YTHDF2: variants seen among roughly 807,000 people sequenced by gnomAD.
The protein encoded by YTHDF2 is YTH domain-containing family protein 2.
Under a neutral mutation model 50.4 loss-of-function variants are expected in YTHDF2, and 2 were observed. The observed-to-expected ratio is 0.04, with a 90% CI of 0.02 to 0.12. YTHDF2 has a LOEUF of 0.12. Among genes scored for constraint, YTHDF2 ranks in the 10% least tolerant of loss-of-function variants. YTHDF2 has a pLI of 1.00. For synonymous variants in YTHDF2, 217 were observed against 255.6 expected (o/e 0.85, Z 1.44); for missense variants, 483 against 722.6 (o/e 0.67, Z 3.80).
chr1:28,751,410 A>C (rs2087950517), intron 4 of YTHDF2, among the ~76,000 whole-genome samples: 1 of 152,174 alleles, frequency 6.6e-6, no homozygotes, highest in Non-Finnish European at 1.5e-5. Flanking sequence ...CTTCAGATCT[A>C]GTGAGTGGGC....
chr1:28,751,787 G>A (rs2087956154), intron 4 of YTHDF2, among the ~76,000 whole-genome samples: 7 of 152,136 alleles, frequency 4.6e-5, no homozygotes, highest in Admixed American at 4.6e-4. Context: ...ATAAAATATG[G>A]GATAAGAGCT....
chr1:28,744,216 CAG>C (rs1216601266), intron 4 of YTHDF2, among the ~76,000 whole-genome samples: 1 of 152,090 alleles, frequency 6.6e-6, no homozygotes, highest in Non-Finnish European at 1.5e-5. Context: ...AAAGCAAAAA[CAG>C]TACAAGGAAA....
chr1:28,752,296 T>TTTGTTGTTG (rs56879000), intron 4 of YTHDF2, among the ~76,000 whole-genome samples: 1 of 151,290 alleles, frequency 6.6e-6, no homozygotes, highest in Non-Finnish European at 1.5e-5. Context: ...CTGTGGTGTT[T>TTTGTTGTTG]TTGTTGTTGT....
At chr1:28,764,271 T>A (rs571160762) in intron 4 of YTHDF2, among the ~76,000 whole-genome samples, 2 of 144,478 alleles carry the variant, frequency 1.4e-5, no homozygotes, top group Admixed American at 1.4e-4. Context: ...TTTTTATTTA[T>A]TTTTATTTTT....
At chr1:28,753,302 A>T (rs906982194) in intron 4 of YTHDF2, among the ~76,000 whole-genome samples, 2 of 143,108 alleles carry the variant, frequency 1.4e-5, no homozygotes, top group African/African-American at 2.6e-5. Flanking sequence ...CAAGAGAATC[A>T]CTTGAACCCA....
chr1:28,737,514 C>T (rs1306778705), intron 1 of YTHDF2, 144 bp from the exon 2 acceptor site: 2 of 1,138,210 alleles, frequency 1.8e-6, no homozygotes, highest in Non-Finnish European at 2.5e-6. Context: ...CTCCCATTTT[C>T]AGCCTCTTCC....
At chr1:28,745,727 C>A (rs945276143) in intron 4 of YTHDF2, among the ~76,000 whole-genome samples, 1 of 106,292 alleles carries the variant, frequency 9.4e-6, no homozygotes, top group Non-Finnish European at 2.1e-5. Context: ...TCCCCCCGCC[C>A]CCCCCCCCCA....
chr1:28,756,597 A>C (rs2088039127), intron 4 of YTHDF2, among the ~76,000 whole-genome samples: 1 of 152,094 alleles, frequency 6.6e-6, no homozygotes, highest in Admixed American at 6.6e-5. Flanking sequence ...GATGACAGTG[A>C]ATTTTTAAAA....
intron 3 of YTHDF2, among the ~76,000 whole-genome samples, chr1:28,740,948 C>T (rs1205153540): frequency 6.6e-6 from 1 of 151,916 alleles, no homozygotes; most frequent in African/African-American, 2.4e-5. Flanking sequence ...TCGTGATCCT[C>T]CCACCTTGGC....
chr1:28,766,409 G>A (rs868540746), intron 4 of YTHDF2, among the ~76,000 whole-genome samples: 3 of 152,108 alleles, frequency 2.0e-5, no homozygotes, highest in East Asian at 1.9e-4. Context: ...GAGCTATTGC[G>A]CCCAGCCCTC....
intron 4 of YTHDF2, among the ~76,000 whole-genome samples, chr1:28,746,998 C>G (rs2087873301): frequency 6.6e-6 from 1 of 152,046 alleles, no homozygotes; most frequent in African/African-American, 2.4e-5. Context: ...AGGAGAATCG[C>G]TTACACCTGG....
chr1:28,760,496 G>T (rs1570477957), intron 4 of YTHDF2, among the ~76,000 whole-genome samples: 1 of 151,976 alleles, frequency 6.6e-6, no homozygotes, highest in South Asian at 2.1e-4. Flanking sequence ...GGGTTTCACC[G>T]TGTTAGCCAG....
At chr1:28,750,647 G>C (rs1303960324) in intron 4 of YTHDF2, among the ~76,000 whole-genome samples, 1 of 152,152 alleles carries the variant, frequency 6.6e-6, no homozygotes, top group Non-Finnish European at 1.5e-5. Flanking sequence ...AGTAAGAACG[G>C]ACTGAGGCCA....
At chr1:28,748,317 T>C (rs1157661922) in intron 4 of YTHDF2, among the ~76,000 whole-genome samples, 1 of 152,152 alleles carries the variant, frequency 6.6e-6, no homozygotes, top group Non-Finnish European at 1.5e-5. Context: ...AACAAGCAGG[T>C]TTTATGAGAA....
At chr1:28,740,228 CAG>C (rs1183639380) in intron 3 of YTHDF2, 2 of 152,160 alleles carry the variant, frequency 1.3e-5, no homozygotes, top group African/African-American at 4.8e-5. Flanking sequence ...ATCATTATAA[CAG>C]GGAGAGTTGG....
intron 4 of YTHDF2, among the ~76,000 whole-genome samples, chr1:28,748,063 G>C (rs1470736567): frequency 6.6e-6 from 1 of 151,446 alleles, no homozygotes; most frequent in Non-Finnish European, 1.5e-5. Flanking sequence ...AGGGGGCGGA[G>C]CTTGCAGTGA....
chr1:28,761,620 C>T (rs1036960201), intron 4 of YTHDF2, among the ~76,000 whole-genome samples: 1 of 152,136 alleles, frequency 6.6e-6, no homozygotes, highest in Non-Finnish European at 1.5e-5. Context: ...GCATGTAATC[C>T]CAGCTACTCA....
chr1:28,760,308 T>A (rs1022609973), intron 4 of YTHDF2, among the ~76,000 whole-genome samples: 2 of 137,992 alleles, frequency 1.4e-5, no homozygotes, highest in African/African-American at 5.6e-5. Context: ...TGTGTGTGTG[T>A]GTGTGTGACG....
In YTHDF2 at chr1:28,743,380, A is replaced by C. The variant is rs1189047816; in HGVS notation, c.1110A>C (p.Gly370=). 1 of 1,614,146 alleles carries C rather than the reference A, an allele frequency of 6.2e-7. No individual in the cohort carries two copies. Among genetic ancestry groups the C allele is most frequent in the African/African-American group, 1.3e-5 (1 of 75,028 alleles). Residue 370 remains glycine, a synonymous_variant, in exon 4 of 5, where the codon GGA becomes GGC. Transcript: ENST00000373812. The surrounding 1 kb of genome is among the most constrained non-coding windows in gnomAD (Gnocchi z 6.9). ...GTCATAATGGGGTGGATGGTAATGG[A>C]GTAGGACAGTCTCAGGCTGGTTCTG... ...GFGHNGVDGN[G]VGQSQAGSGS... is the part of the protein sequence containing the mutation.
Sources: allele counts gnomAD v4.1 joint callset (sites outside exome capture counted in the v4.1 genomes callset), GRCh38; gene constraint gnomAD v4.1.1; non-coding constraint Gnocchi (gnomAD v3.1); transcripts MANE v1.5; gene names NCBI Gene and HGNC (gene_info 2026-07-23, HGNC 2026-07-21).